Variants in CETP observed in about 807,000 individuals in gnomAD.
CETP encodes BPI fold containing family F.
A neutral mutation model predicts 66.5 loss-of-function variants in CETP; 56 were observed. The ratio of observed to expected loss-of-function variants is 0.84; its 90% CI spans 0.68 to 1.05. The LOEUF (loss-of-function observed/expected upper bound fraction) is 1.05, where lower values mean the gene tolerates loss of function less well. Among genes scored for constraint, CETP ranks in the 50% least tolerant of loss-of-function variants. The pLI, the probability that CETP is intolerant of heterozygous loss-of-function variation, is 0.00. For missense variants in CETP, 612 were observed against 609.6 expected (o/e 1.00, Z -0.04); for synonymous variants, 251 against 245.7 (o/e 1.02, Z -0.20).
intron 13 of CETP, 150 bp from the exon 14 acceptor site, chr16:56,982,015 C>A: frequency 1.3e-6 from 1 of 773,896 alleles, no homozygotes; most frequent in South Asian, 1.5e-5. Flanking sequence ...TCAGGAAGGG[C>A]ACCGTCTGGG....
At chr16:56,964,185 C>A (rs1194313547) in intron 2 of CETP, among the ~76,000 whole-genome samples, 1 of 151,728 alleles carries the variant, frequency 6.6e-6, no homozygotes, top group Non-Finnish European at 1.5e-5. Context: ...CACCACCACG[C>A]CCGGCTAATT....
chr16:56,982,467 C>T (rs1182354635), intron 14 of CETP, among the ~76,000 whole-genome samples: 2 of 152,152 alleles, frequency 1.3e-5, no homozygotes, highest in African/African-American at 4.8e-5. Flanking sequence ...TTTGCCACCC[C>T]GCGGGATGGC....
chr16:56,962,733 GC>G, intron 1 of CETP, among the ~76,000 whole-genome samples: 1 of 151,768 alleles, frequency 6.6e-6, no homozygotes, highest in South Asian at 2.1e-4. Context: ...GCTCAGGGCT[GC>G]CCCATTTGCT....
chr16:56,973,577 C>T, intron 9 of CETP, 67 bp downstream of exon 9: 1 of 1,558,786 alleles, frequency 6.4e-7, no homozygotes, highest in Non-Finnish European at 8.8e-7. Context: ...TGTGCACACG[C>T]ATGGGGAGGA....
At chr16:56,962,373 T>C (rs2056030173) in intron 1 of CETP, 2 of 680,702 alleles carry the variant, frequency 2.9e-6, no homozygotes, top group East Asian at 6.0e-5. Flanking sequence ...ATCACTGGGG[T>C]TCGAGTTAGG....
chr16:56,974,955 A>C, intron 9 of CETP, 146 bp from the exon 10 acceptor site: 1 of 725,422 alleles, frequency 1.4e-6, no homozygotes, highest in Non-Finnish European at 2.5e-6. Context: ...CACCCTGCCC[A>C]GAGCATCTCA....
rs1288602186 is a variant in CETP at position 56,983,807 on chromosome 16, T to C, written c.*141T>C. On this transcript the variant is annotated 3_prime_UTR_variant, in exon 16 of 16. Coordinates refer to ENST00000200676, the MANE Select transcript of CETP (RefSeq NM_000078.3). Reference sequence around the variant, plus strand: ...GAGATTGGCTCCCAACTCCTCCCTATCCTAAAGGCCCACTGGCATTAAAGT... The same window carrying C: ...GAGATTGGCTCCCAACTCCTCCCTACCCTAAAGGCCCACTGGCATTAAAGT... 3.8e-6 allele frequency: 3 copies of C among 786,310 alleles called. No individual in the cohort carries two copies. The highest frequency in any genetic ancestry group is 6.7e-6 in the Non-Finnish European group (3 of 448,764). The allele number at this position is 786,310 out of a possible 1,614,324, so 48.7% of individuals were successfully genotyped here.
chr16:56,982,176 G>A lies in CETP; in HGVS notation c.1260G>A (p.Glu420=). 6.2e-7 allele frequency: 1 copy of A among 1,614,126 alleles called. No homozygotes were observed. The highest frequency in any genetic ancestry group is 8.5e-7 in the Non-Finnish European group (1 of 1,179,984). The stretch of plus-strand genomic sequence containing the variant: ...CATTTGATTGGCAGAGCAGCTCCGA[G>A]TCCGTCCAGAGCTTCCTGCAGTCAA... ...TVSNLTESSS[E]SVQSFLQSMI... Residue 420 remains glutamate (E), a synonymous_variant, in exon 14 of 16, where the codon GAG becomes GAA. Transcript: ENST00000200676.
intron 10 of CETP, 27 bp from the exon 11 acceptor site, chr16:56,978,064 T>C (rs2056162066): frequency 6.2e-7 from 1 of 1,612,718 alleles, no homozygotes; most frequent in Admixed American, 1.7e-5. Flanking sequence ...GCCCCTGTCC[T>C]GGCCATGGGA....
intron 10 of CETP, among the ~76,000 whole-genome samples, chr16:56,977,198 C>T (rs538999658): frequency 1.6e-4 from 25 of 152,236 alleles, no homozygotes; most frequent in Non-Finnish European, 2.9e-4. Context: ...GGTGTGAGCT[C>T]CCGCACCCCG....
At chr16:56,978,932 T>C (rs1458754624) in intron 11 of CETP, among the ~76,000 whole-genome samples, 1 of 152,230 alleles carries the variant, frequency 6.6e-6, no homozygotes, top group Non-Finnish European at 1.5e-5. Flanking sequence ...TTCCAGCGAT[T>C]CTCATGCCTC....
intron 10 of CETP, 127 bp downstream of exon 10, chr16:56,975,278 C>T: frequency 2.5e-6 from 2 of 813,060 alleles, no homozygotes; most frequent in South Asian, 3.0e-5. Flanking sequence ...ACAGCTCCTA[C>T]TCGGTTGTTC....
chr16:56,981,346 G>A, intron 12 of CETP, 121 bp downstream of exon 12: 1 of 871,368 alleles, frequency 1.1e-6, no homozygotes, highest in East Asian at 2.4e-5. Context: ...TGGGGCATAT[G>A]GGCTGACTGC....
chr16:56,963,492 G>A (rs759375706), intron 2 of CETP, among the ~76,000 whole-genome samples: 6 of 152,142 alleles, frequency 3.9e-5, no homozygotes, highest in Admixed American at 2.0e-4. Context: ...TTATAGTACA[G>A]ACAGGTCTTG....
Position 56,975,082 on chromosome 16 carries a change from C to A in CETP, c.931-19C>A, listed in dbSNP as rs535031665. The A allele has an allele frequency of 1.2e-6, 2 of 1,613,850 alleles. No individual in the cohort carries two copies. Among genetic ancestry groups the A allele is most frequent in the African/African-American group, 2.7e-5 (2 of 75,032 alleles). On this transcript the variant is annotated intron_variant, in intron 9 of 15. Transcript: ENST00000200676. ...GGACTTTACTCCACCCACCCTCCAA[C>A]TTCCTCATTTCTTTTCAGGCAGTGC...
At chr16:56,971,212 G>T in intron 6 of CETP, 109 bp from the exon 7 acceptor site, 2 of 1,506,088 alleles carry the variant, frequency 1.3e-6, no homozygotes, top group East Asian at 2.3e-5. Flanking sequence ...TCTCCATGTG[G>T]CCAGTCCCCT....
chr16:56,978,220 GACCAGCA>G lies in CETP; in HGVS notation c.1114_1120del (p.Gln372IlefsTer3). 6.2e-7 allele frequency: 1 copy of G among 1,614,184 alleles called. No individual in the cohort carries two copies. Among genetic ancestry groups the G allele is most frequent in the Non-Finnish European group, 8.5e-7 (1 of 1,180,040 alleles). Reference sequence around the variant, plus strand: ...GGTGAAATTCCTCTTTCCACGCCCAGACCAGCAACATTCTGTAGCTTACACATTTGAA... The same window carrying G: ...GGTGAAATTCCTCTTTCCACGCCCAGACATTCTGTAGCTTACACATTTGAA... On this transcript the variant is annotated frameshift_variant, in exon 11 of 16. Transcript: ENST00000200676. LOFTEE classifies it high-confidence loss of function.
chr16:56,979,722 G>C (rs1477815941), intron 11 of CETP, among the ~76,000 whole-genome samples: 4 of 152,116 alleles, frequency 2.6e-5, no homozygotes, highest in African/African-American at 4.8e-5. Flanking sequence ...GGCCAGGCCA[G>C]TTTCAAAGTC....
chr16:56,971,998 T>A lies in CETP; in HGVS notation c.665T>A (p.Ile222Asn). The change falls in exon 8 of 16, where the codon ATC (isoleucine) becomes AAC (asparagine). Residue 222 changes from isoleucine to asparagine, a missense_variant. Coordinates refer to ENST00000200676, the MANE Select transcript of CETP (RefSeq NM_000078.3). ...ADFVQTRAAS[I>N]LSDGDIGVDI... ...TGATCTTTTCCTCCTGCAGCCAGCA[T>A]CCTTTCAGATGGAGACATTGGGGTG... 6.2e-7 allele frequency: 1 copy of A among 1,614,098 alleles called. No individual in the cohort carries two copies. The highest frequency in any genetic ancestry group is 1.1e-5 in the South Asian group (1 of 91,084).
Sources: gnomAD v4.1 joint callset for allele counts (sites outside exome capture counted in the v4.1 genomes callset) on GRCh38, gnomAD v4.1.1 for gene constraint, MANE v1.5 for transcripts, NCBI Gene and HGNC (gene_info 2026-07-23, HGNC 2026-07-21) for gene names.